The following SNAP91 variants were observed in gnomAD, a reference collection of about 807,000 sequenced individuals.
SNAP91 encodes synaptosome associated protein 91, also known as clathrin coat assembly protein AP180.
In SNAP91, 27 loss-of-function variants were observed where a neutral mutation model predicts 100.3. The observed-to-expected ratio is 0.27, with a 90% confidence interval of 0.20 to 0.37. The LOEUF is 0.37. SNAP91 is among the 10% of genes least tolerant of loss of function. The pLI is 1.00. For synonymous variants in SNAP91, 404 were observed against 398.6 expected, an observed-to-expected ratio of 1.01 and a Z score of -0.16; for missense variants, 986 against 1,123.7, an observed-to-expected ratio of 0.88 and a Z score of 1.75.
Position 83,553,610 on chromosome 6 carries a change from A to T in SNAP91, c.*686T>A, listed in dbSNP as rs1309737966. On this transcript the variant is annotated 3_prime_UTR_variant, in exon 30 of 30. Coordinates refer to ENST00000369694, the MANE Select transcript of SNAP91 (RefSeq NM_001242792.2). ...TAAAATATATATATTTTAATATAGC[A>T]GTGATAAATAGGGGATTCTTCCCAT... The T allele has an allele frequency of 6.6e-6, 1 of 152,102 alleles. No individual in the cohort carries two copies. Among genetic ancestry groups the T allele is most frequent in the South Asian group, 2.1e-4 (1 of 4,830 alleles). 9.4% of individuals were successfully genotyped at this position (152,102 alleles called of 1,614,324 possible).
At chr6:83,695,129 T>G (rs1316091390) in intron 2 of SNAP91, among the ~76,000 whole-genome samples, 1 of 150,444 alleles carries the variant, frequency 6.6e-6, no homozygotes, top group Non-Finnish European at 1.5e-5. Flanking sequence ...ATAAAATAAT[T>G]AGCTGGGTGT....
intron 28 of SNAP91, among the ~76,000 whole-genome samples, chr6:83,557,584 G>A (rs1289899123): frequency 6.6e-6 from 1 of 151,996 alleles, no homozygotes; most frequent in Non-Finnish European, 1.5e-5. Context: ...TGAGGTGAGA[G>A]GATCCCTGTT....
intron 14 of SNAP91, among the ~76,000 whole-genome samples, chr6:83,604,401 G>T (rs1452130445): frequency 6.6e-6 from 1 of 152,130 alleles, no homozygotes; most frequent in East Asian, 1.9e-4. Context: ...ATAGGATAAG[G>T]TTTACATATT....
At chr6:83,581,492 TTATC>T in intron 23 of SNAP91, among the ~76,000 whole-genome samples, 1 of 152,232 alleles carries the variant, frequency 6.6e-6, no homozygotes, top group Non-Finnish European at 1.5e-5. Flanking sequence ...TGCTAATATG[TTATC>T]TATGTCAAAA....
intron 28 of SNAP91, 134 bp downstream of exon 28, chr6:83,559,970 C>A: frequency 2.7e-6 from 2 of 728,196 alleles, no homozygotes; most frequent in Non-Finnish European, 4.8e-6. Flanking sequence ...ATCTGTCTTC[C>A]AAGCTCCCTT....
chr6:83,622,347 T>C (rs2096762554), intron 9 of SNAP91, among the ~76,000 whole-genome samples: 1 of 151,992 alleles, frequency 6.6e-6, no homozygotes, highest in Non-Finnish European at 1.5e-5. Context: ...AACTTAAGGA[T>C]TAATATTATT....
chr6:83,580,410 G>GCTT, intron 24 of SNAP91, 40 bp downstream of exon 24: 5 of 1,500,376 alleles, frequency 3.3e-6, no homozygotes, highest in Non-Finnish European at 4.4e-6. Context: ...ATTCACATAT[G>GCTT]CTTCAGTTAA....
chr6:83,640,829 G>A (rs905414073), intron 8 of SNAP91, among the ~76,000 whole-genome samples: 2 of 152,114 alleles, frequency 1.3e-5, no homozygotes, highest in Non-Finnish European at 2.9e-5. Flanking sequence ...ACCTTGCAAA[G>A]CAGCAAATGA....
chr6:83,679,602 G>A lies in SNAP91; in HGVS notation c.131-14021C>T, dbSNP rs116373574. Among the ~76,000 whole-genome samples the A allele has an allele frequency of 6.3e-3, 955 of 152,144 alleles. 9 individuals are homozygous for A. Among genetic ancestry groups the A allele is most frequent in the African/African-American group, 0.022 (915 of 41,528 alleles). Reference sequence around the variant, plus strand: ...CTGAGATCCTTGACCAGGCCAACCCGTTCCATTCTCTTCTATCCAACAGGT... The same window carrying A: ...CTGAGATCCTTGACCAGGCCAACCCATTCCATTCTCTTCTATCCAACAGGT... On this transcript the variant is annotated intron_variant, in intron 2 of 29. Transcript: ENST00000369694.
intron 28 of SNAP91, among the ~76,000 whole-genome samples, chr6:83,557,715 C>G (rs368897960): frequency 1.3e-5 from 2 of 151,680 alleles, no homozygotes; most frequent in African/African-American, 4.8e-5. Flanking sequence ...AACAAAAAAC[C>G]TGGGATCTGT....
chr6:83,580,343 G>C (rs1309784318), intron 24 of SNAP91, 107 bp downstream of exon 24: 1 of 1,159,744 alleles, frequency 8.6e-7, no homozygotes, highest in Non-Finnish European at 1.2e-6. Context: ...ACCCATAAGA[G>C]AGTCCAGAAA....
intron 7 of SNAP91, among the ~76,000 whole-genome samples, chr6:83,643,653 C>T (rs1005920220): frequency 2.0e-5 from 3 of 152,112 alleles, no homozygotes; most frequent in African/African-American, 4.8e-5. Context: ...TTTACTACCT[C>T]AGAAGTATTT....
rs984143296 is a variant in SNAP91, at chr6:83,553,460, C to G, written c.*836G>C. 6.6e-6 allele frequency: 1 copy of G among 152,134 alleles called. No homozygotes were observed. Among genetic ancestry groups the G allele is most frequent in the Non-Finnish European group, 1.5e-5 (1 of 68,012 alleles). The allele number at this position is 152,134 out of a possible 1,614,324, so 9.4% of individuals were successfully genotyped here. A position where few individuals can be genotyped will look rare whatever the true frequency, so the allele number is the denominator to read the frequency against. On this transcript the variant is annotated 3_prime_UTR_variant, in exon 30 of 30. Coordinates refer to ENST00000369694, the MANE Select transcript of SNAP91 (RefSeq NM_001242792.2). ...ATACCTTGGGGTGCCTTCAGAATCA[C>G]TTGAATAGCACCTCTCTAACCGCAT...
intron 8 of SNAP91, among the ~76,000 whole-genome samples, chr6:83,628,610 C>T (rs1375246963): frequency 2.0e-5 from 3 of 151,710 alleles, no homozygotes; most frequent in African/African-American, 7.3e-5. Flanking sequence ...TTTGCATTTC[C>T]CTGATCGTTA....
chr6:83,560,044 C>T lies in SNAP91; in HGVS notation c.2631+60G>A, dbSNP rs1201672439. Reference sequence around the variant, plus strand: ...AAAACACTTTTTAAACAGTTTGCTACACCAATGTTTTACACTTATTAGTTA... The same window carrying T: ...AAAACACTTTTTAAACAGTTTGCTATACCAATGTTTTACACTTATTAGTTA... On this transcript the variant is annotated intron_variant, in intron 28 of 29. Transcript: ENST00000369694. The T allele has an allele frequency of 2.9e-6, 4 of 1,377,908 alleles. No individual in the cohort carries two copies. In the East Asian group the frequency reaches 9.1e-5, roughly 31 times the overall value. The allele number at this position is 1,377,908 out of a possible 1,614,324, so 85.4% of individuals were successfully genotyped here.
chr6:83,683,010 C>T (rs2099013212), intron 2 of SNAP91, among the ~76,000 whole-genome samples: 1 of 152,088 alleles, frequency 6.6e-6, no homozygotes, highest in Non-Finnish European at 1.5e-5. Flanking sequence ...CTAATCTCCT[C>T]CAGGGTCAGC....
intron 2 of SNAP91, among the ~76,000 whole-genome samples, chr6:83,692,375 C>T (rs924833758): frequency 5.3e-5 from 8 of 151,912 alleles, no homozygotes; most frequent in South Asian, 2.1e-4. Flanking sequence ...ATTAGCTAGG[C>T]GTGGTAGAGC....
chr6:83,645,312 A>C (rs548970994), intron 7 of SNAP91, among the ~76,000 whole-genome samples: 1 of 152,192 alleles, frequency 6.6e-6, no homozygotes, highest in South Asian at 2.1e-4. Context: ...ATTAAACAGA[A>C]GTTACAGAGA....
intron 11 of SNAP91, among the ~76,000 whole-genome samples, chr6:83,612,320 C>T (rs556183378): frequency 9.2e-5 from 14 of 152,134 alleles, no homozygotes; most frequent in South Asian, 4.1e-4. Flanking sequence ...GTACAGCATA[C>T]GGTGGGAAAT....
Sources: allele counts gnomAD v4.1 joint callset (sites outside exome capture counted in the v4.1 genomes callset), GRCh38; gene constraint gnomAD v4.1.1; transcripts MANE v1.5; gene names NCBI Gene and HGNC (gene_info 2026-07-23, HGNC 2026-07-21).